Variants in ATP10B observed in about 807,000 individuals in gnomAD.
The protein encoded by ATP10B is phospholipid-transporting ATPase VB.
Under a neutral mutation model 141.2 loss-of-function variants are expected in ATP10B, and 122 were observed. The observed-to-expected ratio is 0.86, with a 90% CI of 0.75 to 1.00. ATP10B has a LOEUF of 1.00. Among genes scored for constraint, ATP10B ranks in the 50% least tolerant of loss-of-function variants. The pLI, the probability that ATP10B is intolerant of heterozygous loss-of-function variation, is 0.00. For synonymous variants in ATP10B, 685 were observed against 692.0 expected (o/e 0.99, Z 0.16); for missense variants, 1,876 against 1,825.3 (o/e 1.03, Z -0.51).
At chr5:160,706,210 C>G (rs1765002848) in intron 3 of ATP10B, among the ~76,000 whole-genome samples, 1 of 152,134 alleles carries the variant, frequency 6.6e-6, no homozygotes, top group Non-Finnish European at 1.5e-5. Context: ...TGTGAGAATA[C>G]CCAGAATGTG....
At chr5:160,927,210 GAT>G in the ATP10B span, among the ~76,000 whole-genome samples, 14 of 152,180 alleles carry the variant, frequency 9.2e-5, no homozygotes, top group Admixed American at 9.2e-4. Context: ...AACAGAAAGA[GAT>G]ATGCGAGCAA....
chr5:160,718,310 T>C (rs983581446), intron 2 of ATP10B, among the ~76,000 whole-genome samples: 4 of 152,130 alleles, frequency 2.6e-5, no homozygotes, highest in African/African-American at 9.7e-5. Context: ...GACTGGATTT[T>C]AATAAAGCTC....
intron 7 of ATP10B, among the ~76,000 whole-genome samples, chr5:160,663,296 C>T (rs975508449): frequency 2.6e-5 from 4 of 152,122 alleles, no homozygotes; most frequent in African/African-American, 9.7e-5. Flanking sequence ...TGGAAATATA[C>T]CCAAAGGATT....
intron 13 of ATP10B, among the ~76,000 whole-genome samples, chr5:160,628,234 GT>G (rs1355190147): frequency 6.6e-6 from 1 of 152,260 alleles, no homozygotes; most frequent in Non-Finnish European, 1.5e-5. Context: ...CAAGAAGGGA[GT>G]TTTCCAGATC....
chr5:160,866,151 A>G, the ATP10B span, among the ~76,000 whole-genome samples: 1 of 152,156 alleles, frequency 6.6e-6, no homozygotes. Flanking sequence ...TTACAAAAAT[A>G]TGGAACCAAC....
chr5:160,705,719 G>T (rs1490999280), intron 3 of ATP10B, among the ~76,000 whole-genome samples: 1 of 152,100 alleles, frequency 6.6e-6, no homozygotes, highest in Non-Finnish European at 1.5e-5. Context: ...CAGCAATAAG[G>T]CTGTTTTGCT....
At chr5:160,720,289 G>A (rs1190963188) in intron 2 of ATP10B, among the ~76,000 whole-genome samples, 3 of 152,120 alleles carry the variant, frequency 2.0e-5, no homozygotes, top group Non-Finnish European at 2.9e-5. Flanking sequence ...ATGTGCTTTT[G>A]CAACATTTAT....
chr5:160,605,168 C>T (rs1159648441), intron 19 of ATP10B, among the ~76,000 whole-genome samples: 1 of 152,098 alleles, frequency 6.6e-6, no homozygotes, highest in Non-Finnish European at 1.5e-5. Flanking sequence ...TTTCCTGGCC[C>T]TACATGTTTT....
At chr5:160,737,348 C>T (rs1250170928) in intron 2 of ATP10B, among the ~76,000 whole-genome samples, 1 of 152,118 alleles carries the variant, frequency 6.6e-6, no homozygotes, top group Admixed American at 6.5e-5. Flanking sequence ...TGGAACATGA[C>T]AAGGATGCTC....
chr5:160,851,258 T>C lies in ATP10B; in HGVS notation c.-576+683A>G, dbSNP rs539759030. Among the ~76,000 whole-genome samples the C allele has an allele frequency of 4.3e-4, 66 of 152,332 alleles. No homozygotes were observed. The South Asian group carries it at 0.013, about 30-fold the overall frequency. Reference sequence around the variant, plus strand: ...AACTAGCAGCTCAGTATAATTTTTATTTTTAACATTACTTTTCACCTTAGG... The same window carrying C: ...AACTAGCAGCTCAGTATAATTTTTACTTTTAACATTACTTTTCACCTTAGG... On this transcript the variant is annotated intron_variant, in intron 1 of 25. Coordinates refer to ENST00000327245, the MANE Select transcript of ATP10B (RefSeq NM_025153.3).
chr5:160,766,719 C>T (rs2127847995), intron 2 of ATP10B, among the ~76,000 whole-genome samples: 1 of 152,280 alleles, frequency 6.6e-6, no homozygotes, highest in East Asian at 1.9e-4. Context: ...CAAATACCAC[C>T]TGTTCCCCCA....
the ATP10B span, among the ~76,000 whole-genome samples, chr5:160,900,696 A>G: frequency 6.6e-6 from 1 of 152,214 alleles, no homozygotes; most frequent in Non-Finnish European, 1.5e-5. Flanking sequence ...CACATTCAAT[A>G]ATTATGTACA....
intron 24 of ATP10B, among the ~76,000 whole-genome samples, chr5:160,572,440 A>G (rs577586433): frequency 1.3e-5 from 2 of 152,266 alleles, no homozygotes; most frequent in East Asian, 1.9e-4. Flanking sequence ...TTATTTTAGT[A>G]GCTGACTCCT....
rs186959466 is a variant in ATP10B, at chr5:160,804,712, C to A, written c.-575-18909G>T. 9.1e-4 allele frequency among the ~76,000 whole-genome samples: 139 copies of A among 152,298 alleles called. 6 individuals carry two copies. Among genetic ancestry groups the A allele is most frequent in the Admixed American group, 8.5e-3 (130 of 15,298 alleles). ...GCTCCAGATTCAGTCATTTTGAGTT[C>A]AAATCTTGGTTCCATTACTTCACAA... is the stretch of plus-strand genomic sequence containing the variant. On this transcript the variant is annotated intron_variant, in intron 1 of 25. Transcript: ENST00000327245.
intron 24 of ATP10B, among the ~76,000 whole-genome samples, chr5:160,584,177 A>G (rs1377332548): frequency 6.6e-6 from 1 of 152,132 alleles, no homozygotes; most frequent in Admixed American, 6.5e-5. Context: ...TAGGCACCCG[A>G]GAGAATCTCC....
intron 22 of ATP10B, among the ~76,000 whole-genome samples, chr5:160,593,675 T>C (rs911538390): frequency 1.3e-5 from 2 of 152,134 alleles, no homozygotes; most frequent in Admixed American, 6.5e-5. Context: ...AAAATTTAGA[T>C]GAATGTAGAA....
intron 2 of ATP10B, among the ~76,000 whole-genome samples, chr5:160,722,757 T>C (rs1766073820): frequency 2.0e-5 from 3 of 152,176 alleles, no homozygotes; most frequent in Non-Finnish European, 4.4e-5. Context: ...TTCAATCTAA[T>C]TGGGTCCTTG....
intron 1 of ATP10B, among the ~76,000 whole-genome samples, chr5:160,794,191 G>C (rs1771788842): frequency 1.3e-5 from 2 of 152,178 alleles, no homozygotes. Context: ...ACACAGTAAT[G>C]AATTAGACAG....
intron 1 of ATP10B, among the ~76,000 whole-genome samples, chr5:160,825,540 G>A (rs1395533621): frequency 6.6e-6 from 1 of 152,162 alleles, no homozygotes; most frequent in Non-Finnish European, 1.5e-5. Context: ...TTTGTAAATT[G>A]CCAGTCTTGG....
Sources: allele counts gnomAD v4.1 joint callset (sites outside exome capture counted in the v4.1 genomes callset), GRCh38; gene constraint gnomAD v4.1.1; transcripts MANE v1.5; gene names NCBI Gene and HGNC (gene_info 2026-07-23, HGNC 2026-07-21).